Variants in TNS1 observed in about 807,000 individuals in gnomAD.
TNS1 encodes the protein tensin-1.
TNS1 carries 62 observed loss-of-function variants against 168.6 expected under a neutral mutation model. The observed-to-expected ratio is 0.37, with a 90% CI of 0.30 to 0.45. TNS1 has a LOEUF of 0.45. Ranked by LOEUF, TNS1 falls within the 20% of genes least tolerant of loss-of-function variation. TNS1 has a pLI of 1.00. For missense variants in TNS1, 2,240 were observed against 2,339.4 expected (o/e 0.96, Z 0.88); for synonymous variants, 934 against 933.2 (o/e 1.00, Z -0.02).
Position 217,821,732 on chromosome 2 carries a change from C to A in TNS1, c.3572+8G>T, listed in dbSNP as rs199658066. On this transcript the variant is annotated splice_region_variant and intron_variant, in intron 23 of 32. Transcript: ENST00000682258. ...CCATCCCCCACCCACTGCCCCTTCC[C>A]GGCTTACCTGTCAGCACTGAGGATG... The A allele has an allele frequency of 1.7e-5, 24 of 1,434,346 alleles. No individual in the cohort carries two copies. The highest frequency in any genetic ancestry group is 2.2e-5 in the Non-Finnish European group (24 of 1,094,732). 88.9% of individuals were successfully genotyped at this position (1,434,346 alleles called of 1,614,324 possible).
chr2:218,009,124 G>A (rs1329460047), intron 1 of TNS1, among the ~76,000 whole-genome samples: 1 of 152,160 alleles, frequency 6.6e-6, no homozygotes, highest in Non-Finnish European at 1.5e-5. Context: ...CTCTTAACCA[G>A]AATGGTGGAC....
intron 28 of TNS1, among the ~76,000 whole-genome samples, chr2:217,810,872 G>A (rs1308989197): frequency 6.8e-6 from 1 of 147,246 alleles, no homozygotes; most frequent in East Asian, 2.0e-4. Flanking sequence ...ATTGTACATG[G>A]TACATAATTT....
chr2:218,004,555 A>T (rs1958638074), upstream of TNS1, among the ~76,000 whole-genome samples: 1 of 152,224 alleles, frequency 6.6e-6, no homozygotes, highest in Non-Finnish European at 1.5e-5. Flanking sequence ...CTTCATCTGA[A>T]AAAAAGACTG....
At chr2:217,890,788 C>T (rs764213886) in intron 12 of TNS1, 174 bp downstream of exon 12, 28 of 652,760 alleles carry the variant, frequency 4.3e-5, no homozygotes, top group African/African-American at 3.6e-5. Flanking sequence ...GGCTGGCTCC[C>T]GGGCTCTCCT....
intron 3 of TNS1, among the ~76,000 whole-genome samples, chr2:217,940,435 G>T (rs764840378): frequency 6.6e-6 from 1 of 152,174 alleles, no homozygotes; most frequent in Non-Finnish European, 1.5e-5. Flanking sequence ...GAGAGCCTTT[G>T]CCTGTCCCCC....
At chr2:217,822,006 A>G (rs1574631350) in intron 22 of TNS1, 68 bp from the exon 23 acceptor site, 2 of 1,449,194 alleles carry the variant, frequency 1.4e-6, no homozygotes, top group Non-Finnish European at 9.3e-7. Context: ...GTCCCCCCCA[A>G]CCTCCCCTGG....
chr2:217,960,651 G>A (rs1400127359), intron 3 of TNS1, among the ~76,000 whole-genome samples: 1 of 152,166 alleles, frequency 6.6e-6, no homozygotes, highest in Admixed American at 6.5e-5. Flanking sequence ...GTGCGGGAAG[G>A]CTCAGCCTTT....
At position 217,820,135 on chromosome 2, in the gene TNS1, C is replaced by T. The variant is rs143180036; in HGVS notation, c.3573-1376G>A. On this transcript the variant is annotated intron_variant, in intron 23 of 32. Coordinates refer to ENST00000682258, the MANE Select transcript of TNS1 (RefSeq NM_001387777.1). ...CTGAGGAGTGGGAGACAGAGCCAGG[C>T]TGAGCAGGGTGAGAGAAGGAGACAC... Among the ~76,000 whole-genome samples, 3 of 152,248 alleles carry T rather than the reference C, an allele frequency of 2.0e-5. No homozygotes were observed. The East Asian group carries it at 5.8e-4, about 29-fold the overall frequency.
chr2:217,871,559 C>T (rs768964845), intron 18 of TNS1, among the ~76,000 whole-genome samples: 1 of 152,230 alleles, frequency 6.6e-6, no homozygotes, highest in Admixed American at 6.5e-5. Context: ...GTTTCTCCCA[C>T]GTCTTACTCA....
chr2:217,848,141 C>A lies in TNS1; in HGVS notation c.2376G>T (p.Gln792His). 6.3e-7 allele frequency: 1 copy of A among 1,598,532 alleles called. No homozygotes were observed. The highest frequency in any genetic ancestry group is 1.1e-5 in the South Asian group (1 of 87,686). The change falls in exon 19 of 33, where the codon CAG (glutamine) becomes CAT (histidine). Residue 792 changes from glutamine to histidine, a missense_variant. By Grantham distance (24) the Gln-to-His change is conservative (BLOSUM62 0). This residue lies in a region of TNS1 where 2,131 missense variants were observed against 2,171.2 expected (regional missense o/e 0.98). Transcript: ENST00000682258. ...QQQPRPPPRQ[Q>H]ERAHLESLVA... ...CAAGACTCTCCAAGTGGGCTCTTTC[C>A]TGCTGGCGTGGAGGTGGGCGAGGCT...
At position 217,995,609 on chromosome 2, in the gene TNS1, G is replaced by A. The variant is rs1574470870; in HGVS notation, c.34-4553C>T. Among the ~76,000 whole-genome samples, 1 of 152,292 alleles carries A rather than the reference G, an allele frequency of 6.6e-6. No individual in the cohort carries two copies. The highest frequency in any genetic ancestry group is 1.9e-4 in the East Asian group (1 of 5,178). On this transcript the variant is annotated intron_variant, in intron 1 of 32. Transcript: ENST00000682258. The surrounding 1 kb of genome is among the most constrained non-coding windows in gnomAD (Gnocchi z 4.1). ...GCTTTTCAAGGGTAGTGGCTTGTTA[G>A]GGCAATGATCGTCACTTTTCCTGAC...
chr2:217,895,100 G>C, intron 8 of TNS1, 44 bp from the exon 9 acceptor site: 2 of 1,572,268 alleles, frequency 1.3e-6, no homozygotes, highest in Non-Finnish European at 1.7e-6. Flanking sequence ...GTGAGGGTGA[G>C]GAGGGCGGCG....
intron 3 of TNS1, among the ~76,000 whole-genome samples, chr2:217,961,283 T>A (rs1413601206): frequency 7.9e-6 from 1 of 127,272 alleles, no homozygotes; most frequent in Non-Finnish European, 1.7e-5. Context: ...AGAGAGAGGC[T>A]GAAGCTGTAA....
chr2:217,943,078 G>A (rs540887149), intron 3 of TNS1, among the ~76,000 whole-genome samples: 3 of 152,130 alleles, frequency 2.0e-5, no homozygotes, highest in Non-Finnish European at 2.9e-5. Flanking sequence ...CAGGAGGGGT[G>A]GGGGGAGAGG....
At chr2:218,021,125 G>A (rs1049999200) in intron 1 of TNS1, among the ~76,000 whole-genome samples, 3 of 152,184 alleles carry the variant, frequency 2.0e-5, no homozygotes, top group African/African-American at 4.8e-5. Context: ...CCTTGCCCCC[G>A]ACTCCTCACC....
chr2:217,921,250 G>A (rs1228136445), intron 3 of TNS1, among the ~76,000 whole-genome samples: 1 of 152,200 alleles, frequency 6.6e-6, no homozygotes, highest in African/African-American at 2.4e-5. Context: ...CAGGCAAGGG[G>A]CCCACAGTGG....
chr2:217,926,259 C>T (rs568437294), intron 3 of TNS1, among the ~76,000 whole-genome samples: 6 of 152,290 alleles, frequency 3.9e-5, no homozygotes, highest in South Asian at 2.1e-4. Context: ...TTAAGTCACC[C>T]GGCGTATGGT....
intron 22 of TNS1, among the ~76,000 whole-genome samples, chr2:217,831,073 CTATGTG>C (rs1426167609): frequency 6.6e-6 from 1 of 151,548 alleles, no homozygotes; most frequent in Non-Finnish European, 1.5e-5. Context: ...TTCTCTGACT[CTATGTG>C]TGTGTGTGTA....
intron 4 of TNS1, among the ~76,000 whole-genome samples, chr2:217,919,451 G>A (rs927829491): frequency 1.6e-4 from 25 of 152,270 alleles, no homozygotes; most frequent in Admixed American, 4.6e-4. Flanking sequence ...GCACACAGGT[G>A]CATGCAGGCA....
Sources: gnomAD v4.1 joint callset for allele counts (sites outside exome capture counted in the v4.1 genomes callset) on GRCh38, gnomAD v4.1.1 for gene constraint, gnomAD v4.1.1 regional missense constraint, Gnocchi (gnomAD v3.1) non-coding constraint, MANE v1.5 for transcripts, NCBI Gene and HGNC (gene_info 2026-07-23, HGNC 2026-07-21) for gene names.